The following RUNDC3B variants were observed in gnomAD, a reference collection of about 807,000 sequenced individuals.
RUNDC3B encodes RUN domain-containing protein 3B.
RUNDC3B carries 33 observed loss-of-function variants against 58.4 expected under a neutral mutation model. The ratio of observed to expected loss-of-function variants is 0.56; its 90% CI spans 0.43 to 0.75. RUNDC3B has a LOEUF of 0.75. RUNDC3B is among the 30% of genes least tolerant of loss of function. The probability of loss-of-function intolerance (pLI) is 0.00; values close to 1 mark genes in which losing one functional copy is unlikely to be tolerated. For missense variants in RUNDC3B, 501 were observed against 535.7 expected, an observed-to-expected ratio of 0.94 and a Z score of 0.64; for synonymous variants, 193 against 195.2, an observed-to-expected ratio of 0.99 and a Z score of 0.10.
chr7:87,806,918 T>C (rs1018201126), intron 8 of RUNDC3B, among the ~76,000 whole-genome samples: 3 of 152,180 alleles, frequency 2.0e-5, no homozygotes, highest in African/African-American at 7.2e-5. Flanking sequence ...CAGTCAGTTT[T>C]TTTTTCATTT....
At chr7:87,750,465 C>G (rs1217323805) in intron 6 of RUNDC3B, among the ~76,000 whole-genome samples, 2 of 151,698 alleles carry the variant, frequency 1.3e-5, no homozygotes, top group Non-Finnish European at 3.0e-5. Context: ...CTGACTTCCA[C>G]AATGGTTGAA....
intron 10 of RUNDC3B, among the ~76,000 whole-genome samples, chr7:87,823,049 TAAAA>T (rs1837577247): frequency 6.6e-6 from 1 of 151,688 alleles, no homozygotes; most frequent in African/African-American, 2.4e-5. Context: ...AATAATAAAA[TAAAA>T]TTAAAAAAAA....
chr7:87,685,719 T>C (rs980093917), intron 2 of RUNDC3B, among the ~76,000 whole-genome samples: 2 of 152,154 alleles, frequency 1.3e-5, no homozygotes, highest in Non-Finnish European at 2.9e-5. Flanking sequence ...GGAGTTTCTT[T>C]GCATGATGAA....
chr7:87,689,335 TTAA>T (rs1337893405), intron 2 of RUNDC3B, among the ~76,000 whole-genome samples: 1 of 152,106 alleles, frequency 6.6e-6, no homozygotes, highest in Non-Finnish European at 1.5e-5. Flanking sequence ...TGTCAGAAAA[TTAA>T]TGAGACATTT....
At chr7:87,636,083 C>T (rs1649258912) in intron 1 of RUNDC3B, among the ~76,000 whole-genome samples, 2 of 152,058 alleles carry the variant, frequency 1.3e-5, no homozygotes, top group African/African-American at 4.8e-5. Flanking sequence ...GTACATTTTT[C>T]TGTCTGATAT....
At chr7:87,647,017 T>C (rs1823073277) in intron 1 of RUNDC3B, among the ~76,000 whole-genome samples, 3 of 152,326 alleles carry the variant, frequency 2.0e-5, no homozygotes, top group Admixed American at 2.0e-4. Context: ...TGAACATTAA[T>C]CTATCTCAGC....
At chr7:87,744,888 G>A (rs938851151) in intron 6 of RUNDC3B, among the ~76,000 whole-genome samples, 2 of 151,954 alleles carry the variant, frequency 1.3e-5, no homozygotes, top group Non-Finnish European at 2.9e-5. Context: ...TCTTTGTCCT[G>A]TTCCAGTTCT....
intron 8 of RUNDC3B, among the ~76,000 whole-genome samples, chr7:87,783,140 AGTGT>A (rs148399735): frequency 2.0e-5 from 3 of 150,118 alleles, no homozygotes; most frequent in Admixed American, 6.6e-5. Flanking sequence ...CTCCAATGTC[AGTGT>A]GTGTGTGTGT....
chr7:87,714,767 A>ACC (rs28746483), intron 4 of RUNDC3B, among the ~76,000 whole-genome samples: 16 of 150,996 alleles, frequency 1.1e-4, no homozygotes, highest in South Asian at 8.4e-4. Flanking sequence ...ATGGACAGGC[A>ACC]CCCCCCCGCC....
Position 87,829,931 on chromosome 7 carries a change from G to A in RUNDC3B, c.1272G>A (p.Thr424=), listed in dbSNP as rs746431545. Residue 424 remains threonine, a synonymous_variant, in exon 11 of 11, where the codon ACG becomes ACA. Transcript: ENST00000394654. ...PSLLGLCGSL[T]SVASYKSLTS... is the part of the protein sequence containing the mutation. The stretch of plus-strand genomic sequence containing the variant: ...TACTTGGCCTCTGTGGATCTCTAAC[G>A]TCAGTGGCAAGTTACAAGTCTCTAA... 6.2e-6 allele frequency: 10 copies of A among 1,608,190 alleles called. No homozygotes were observed. Among genetic ancestry groups the A allele is most frequent in the East Asian group, 4.5e-5 (2 of 44,666 alleles).
chr7:87,657,545 C>T (rs1014694037), intron 2 of RUNDC3B, among the ~76,000 whole-genome samples: 17 of 152,158 alleles, frequency 1.1e-4, no homozygotes, highest in African/African-American at 4.1e-4. Context: ...AAGATTTCTT[C>T]CCTCTTGGCT....
chr7:87,659,812 C>A (rs1446081757), intron 2 of RUNDC3B, among the ~76,000 whole-genome samples: 2 of 152,074 alleles, frequency 1.3e-5, no homozygotes, highest in African/African-American at 4.8e-5. Context: ...CATAAAATAG[C>A]CAGAGTTTTT....
intron 3 of RUNDC3B, among the ~76,000 whole-genome samples, chr7:87,702,170 A>C (rs1022561017): frequency 6.7e-6 from 1 of 149,728 alleles, no homozygotes; most frequent in African/African-American, 2.5e-5. Flanking sequence ...AAAAAAAAAA[A>C]AACAGAGATA....
intron 4 of RUNDC3B, among the ~76,000 whole-genome samples, chr7:87,732,431 T>A (rs1162803593): frequency 6.6e-6 from 1 of 152,040 alleles, no homozygotes; most frequent in Admixed American, 6.6e-5. Flanking sequence ...GGAAAAAGCG[T>A]ACTTGGAGAC....
intron 9 of RUNDC3B, among the ~76,000 whole-genome samples, chr7:87,815,794 A>G (rs548331098): frequency 6.6e-6 from 1 of 152,298 alleles, no homozygotes; most frequent in African/African-American, 2.4e-5. Flanking sequence ...CCAATTTTAT[A>G]TCTTCATTAA....
At chr7:87,651,567 A>G (rs961196121) in intron 2 of RUNDC3B, among the ~76,000 whole-genome samples, 1 of 152,160 alleles carries the variant, frequency 6.6e-6, no homozygotes, top group Non-Finnish European at 1.5e-5. Context: ...ACTTTATCAC[A>G]TTAATCCCAT....
intron 2 of RUNDC3B, among the ~76,000 whole-genome samples, chr7:87,675,868 A>T (rs1563124627): frequency 6.6e-6 from 1 of 152,150 alleles, no homozygotes; most frequent in Non-Finnish European, 1.5e-5. Flanking sequence ...TTTTGGACTT[A>T]ACACCCAAAG....
At chr7:87,818,816 G>T (rs1837228272) in intron 10 of RUNDC3B, among the ~76,000 whole-genome samples, 1 of 152,134 alleles carries the variant, frequency 6.6e-6, no homozygotes, top group Non-Finnish European at 1.5e-5. Flanking sequence ...CCCTAAGTGT[G>T]AACATATGAA....
chr7:87,741,670 A>C (rs1214613767), intron 6 of RUNDC3B, 91 bp downstream of exon 6: 2 of 676,180 alleles, frequency 3.0e-6, no homozygotes, highest in African/African-American at 3.8e-5. Context: ...ACTTTGTACT[A>C]AATATTCGTT....
Sources: allele counts gnomAD v4.1 joint callset (sites outside exome capture counted in the v4.1 genomes callset), GRCh38; gene constraint gnomAD v4.1.1; transcripts MANE v1.5; gene names NCBI Gene and HGNC (gene_info 2026-07-23, HGNC 2026-07-21).